Variants in HSD17B8 observed in about 807,000 individuals in gnomAD.
HSD17B8 encodes the protein hydroxysteroid 17-beta dehydrogenase 8.
In HSD17B8, 23 loss-of-function variants were observed where a neutral mutation model predicts 33.2. The ratio of observed to expected loss-of-function variants is 0.69; its 90% confidence interval spans 0.50 to 0.98. The LOEUF (loss-of-function observed/expected upper bound fraction) is 0.98. Ranked by LOEUF, HSD17B8 falls within the 50% of genes least tolerant of loss-of-function variation. HSD17B8 has a pLI of 0.00. For missense variants in HSD17B8, 345 were observed against 347.5 expected, an observed-to-expected ratio of 0.99 and a Z score of 0.06; for synonymous variants, 137 against 138.6, an observed-to-expected ratio of 0.99 and a Z score of 0.08.
At position 33,205,342 on chromosome 6, in the gene HSD17B8, C is replaced by A; in HGVS notation, c.387+5C>A. On this transcript the variant is annotated splice_donor_5th_base_variant and intron_variant, in intron 3 of 8. Transcript: ENST00000374662. This position sits in a 1 kb window ranked among gnomAD's most constrained non-coding sequence, Gnocchi z 5.0. Reference sequence around the variant, plus strand: ...GTCATAGCTGTCAACCTCAAGGTGGCGATCTCTGAACCTGCGACGTTTGGC... The same window carrying A: ...GTCATAGCTGTCAACCTCAAGGTGGAGATCTCTGAACCTGCGACGTTTGGC... 6.2e-7 allele frequency: 1 copy of A among 1,611,326 alleles called. No homozygotes were observed.
Position 33,205,718 on chromosome 6 carries a change from C to A in HSD17B8, c.559C>A (p.Leu187Ile). The A allele has an allele frequency of 6.2e-7, 1 of 1,613,026 alleles. No individual in the cohort carries two copies. Among genetic ancestry groups the A allele is most frequent in the Non-Finnish European group, 8.5e-7 (1 of 1,180,004 alleles). ...IGLTQTAARE[L>I]GRHGIRCNSV... ...GCTGACCCAGACCGCAGCCCGGGAG[C>A]TTGGACGGTTGGTCAGATGCTTGAG... The change falls in exon 5 of 9, where the codon CTT becomes ATT. Residue 187 changes from leucine (L) to isoleucine (I), a missense_variant. Transcript: ENST00000374662. The surrounding 1 kb of genome is among the most constrained non-coding windows in gnomAD (Gnocchi z 5.0).
In HSD17B8 at chr6:33,205,868, G is replaced by A; in HGVS notation, c.607G>A (p.Ala203Thr). ...TAACTCTGTCCTCCCAGGGTTCATT[G>A]CAACACCCATGACACAGAAAGTGCC... Reference protein sequence around the residue: ...RCNSVLPGFIATPMTQKVPQK... With the variant: ...RCNSVLPGFITTPMTQKVPQK... The change falls in exon 6 of 9, where the codon GCA becomes ACA. Residue 203 changes from alanine to threonine, a missense_variant. Transcript: ENST00000374662. The surrounding 1 kb of genome is among the most constrained non-coding windows in gnomAD (Gnocchi z 5.0). 4 of 1,612,944 alleles carry A rather than the reference G, an allele frequency of 2.5e-6. No individual in the cohort carries two copies. In the South Asian group the frequency reaches 4.4e-5, roughly 18 times the overall value.
rs1448657423 is a variant in HSD17B8, at chr6:33,205,363, T to G, written c.387+26T>G. ...GTGGCGATCTCTGAACCTGCGACGT[T>G]TGGCCCCCTTAGCCTGGGGAGGGAG... On this transcript the variant is annotated intron_variant, in intron 3 of 8. Coordinates refer to ENST00000374662, the MANE Select transcript of HSD17B8 (RefSeq NM_014234.5). The surrounding 1 kb of genome is among the most constrained non-coding windows in gnomAD (Gnocchi z 5.0). The G allele has an allele frequency of 1.9e-6, 3 of 1,607,692 alleles. No individual in the cohort carries two copies. Among genetic ancestry groups the G allele is most frequent in the Middle Eastern group, 3.3e-4 (2 of 6,040 alleles).
chr6:33,205,995 GAGA>G lies in HSD17B8; in HGVS notation c.651+85_651+87del. 7.4e-7 allele frequency: 1 copy of G among 1,346,570 alleles called. No homozygotes were observed. Among genetic ancestry groups the G allele is most frequent in the South Asian group, 1.2e-5 (1 of 82,290 alleles). The allele number at this position is 1,346,570 out of a possible 1,614,324, so 83.4% of individuals were successfully genotyped here. On this transcript the variant is annotated intron_variant, in intron 6 of 8. Coordinates refer to ENST00000374662, the MANE Select transcript of HSD17B8 (RefSeq NM_014234.5). The surrounding 1 kb of genome is among the most constrained non-coding windows in gnomAD (Gnocchi z 5.0). Reference sequence around the variant, plus strand: ...ACAGAGAGAGAGAGAGAGAGAGAGAGAGAATACTGGGCACAGTTCCTGGCAAAC... The same window carrying G: ...ACAGAGAGAGAGAGAGAGAGAGAGAGATACTGGGCACAGTTCCTGGCAAAC...
rs1271062613 is a variant in HSD17B8, at chr6:33,206,127, C to T, written c.652-7C>T. 2 of 1,612,550 alleles carry T rather than the reference C, an allele frequency of 1.2e-6. No homozygotes were observed. Among genetic ancestry groups the T allele is most frequent in the Admixed American group, 1.7e-5 (1 of 59,934 alleles). On this transcript the variant is annotated splice_polypyrimidine_tract_variant and splice_region_variant and intron_variant, in intron 6 of 8. Coordinates refer to ENST00000374662, the MANE Select transcript of HSD17B8 (RefSeq NM_014234.5). The surrounding 1 kb of genome is among the most constrained non-coding windows in gnomAD (Gnocchi z 6.2). The stretch of plus-strand genomic sequence containing the variant: ...AAGCTTTCACCCACATGAGTATTTC[C>T]TTACAGATTACTGAAATGATCCCGA...
chr6:33,205,251 G>GTGTC lies in HSD17B8; in HGVS notation c.302_305dup (p.Cys103ValfsTer9), dbSNP rs1409493166. On this transcript the variant is annotated frameshift_variant, in exon 3 of 9. Coordinates refer to ENST00000374662, the MANE Select transcript of HSD17B8 (RefSeq NM_014234.5). LOFTEE classifies it high-confidence loss of function. The surrounding 1 kb of genome is among the most constrained non-coding windows in gnomAD (Gnocchi z 5.0). ...CTTTTCTCGCCCACCATCTGTCGTT[G>GTGTC]TGTCCTGTGCGGGCATCACCCAGGA... 6.2e-7 allele frequency: 1 copy of GTGTC among 1,612,944 alleles called. No individual in the cohort carries two copies. Among genetic ancestry groups the GTGTC allele is most frequent in the Non-Finnish European group, 8.5e-7 (1 of 1,180,026 alleles).
chr6:33,205,997 G>A lies in HSD17B8; in HGVS notation c.651+85G>A. Reference sequence around the variant, plus strand: ...AGAGAGAGAGAGAGAGAGAGAGAGAGAATACTGGGCACAGTTCCTGGCAAA... The same window carrying A: ...AGAGAGAGAGAGAGAGAGAGAGAGAAAATACTGGGCACAGTTCCTGGCAAA... On this transcript the variant is annotated intron_variant, in intron 6 of 8. Transcript: ENST00000374662. The surrounding 1 kb of genome is among the most constrained non-coding windows in gnomAD (Gnocchi z 5.0). 7.5e-7 allele frequency: 1 copy of A among 1,328,560 alleles called. No individual in the cohort carries two copies. The highest frequency in any genetic ancestry group is 1.1e-6 in the Non-Finnish European group (1 of 934,466). The allele number at this position is 1,328,560 out of a possible 1,614,324, so 82.3% of individuals were successfully genotyped here.
Position 33,205,949 on chromosome 6 carries a change from GACTC to G in HSD17B8, c.651+39_651+42del. 1 of 1,525,174 alleles carries G rather than the reference GACTC, an allele frequency of 6.6e-7. No individual in the cohort carries two copies. The highest frequency in any genetic ancestry group is 1.1e-5 in the South Asian group (1 of 88,892). 94.5% of individuals were successfully genotyped at this position (1,525,174 alleles called of 1,614,324 possible). A position where few individuals can be genotyped will look rare whatever the true frequency, so the allele number is the denominator to read the frequency against. ...TGGGTGGAGGGCAGAATCATTCAGA[GACTC>G]AATCTCTCTGGGCTTCACAGAGAGA... On this transcript the variant is annotated intron_variant, in intron 6 of 8. Transcript: ENST00000374662. The surrounding 1 kb of genome is among the most constrained non-coding windows in gnomAD (Gnocchi z 5.0).
rs1775019651 is a variant in HSD17B8 at position 33,205,971 on chromosome 6, C to G, written c.651+59C>G. 2 of 1,101,796 alleles carry G rather than the reference C, an allele frequency of 1.8e-6. No homozygotes were observed. Among genetic ancestry groups the G allele is most frequent in the African/African-American group, 1.6e-5 (1 of 64,128 alleles). 68.3% of individuals were successfully genotyped at this position (1,101,796 alleles called of 1,614,324 possible). The stretch of plus-strand genomic sequence containing the variant: ...AGAGACTCAATCTCTCTGGGCTTCA[C>G]AGAGAGAGAGAGAGAGAGAGAGAGA... On this transcript the variant is annotated intron_variant, in intron 6 of 8. Coordinates refer to ENST00000374662, the MANE Select transcript of HSD17B8 (RefSeq NM_014234.5). The surrounding 1 kb of genome is among the most constrained non-coding windows in gnomAD (Gnocchi z 5.0).
Position 33,206,067 on chromosome 6 carries a change from G to T in HSD17B8, c.652-67G>T. 1 of 1,547,942 alleles carries T rather than the reference G, an allele frequency of 6.5e-7. No homozygotes were observed. Among genetic ancestry groups the T allele is most frequent in the East Asian group, 2.3e-5 (1 of 44,410 alleles). ...GTATGAGAAATGAAGACAAAAAAGG[G>T]TCACAGACTCAGTCTTCAAAAAAAT... On this transcript the variant is annotated intron_variant, in intron 6 of 8. Transcript: ENST00000374662. The surrounding 1 kb of genome is among the most constrained non-coding windows in gnomAD (Gnocchi z 6.2).
rs1384647663 is a variant in HSD17B8 at position 33,205,519 on chromosome 6, A to T, written c.460A>T (p.Ile154Phe). The T allele has an allele frequency of 6.2e-7, 1 of 1,613,042 alleles. No homozygotes were observed. The highest frequency in any genetic ancestry group is 8.5e-7 in the Non-Finnish European group (1 of 1,179,988). ...TGGTTGTCGTGGTTCCATCATCAAC[A>T]TCAGTAGCATCGTAGGAAAGGTCAG... The part of the protein sequence containing the change: ...SNGCRGSIIN[I>F]SSIVGKVGNV... The change falls in exon 4 of 9, where the codon ATC (isoleucine) becomes TTC (phenylalanine). Residue 154 changes from isoleucine to phenylalanine, a missense_variant. Transcript: ENST00000374662. The surrounding 1 kb of genome is among the most constrained non-coding windows in gnomAD (Gnocchi z 5.0).
In HSD17B8 at chr6:33,205,866, T is replaced by C. The variant is rs752310114; in HGVS notation, c.605T>C (p.Ile202Thr). The C allele has an allele frequency of 2.0e-5, 33 of 1,612,878 alleles. No homozygotes were observed. Among genetic ancestry groups the C allele is most frequent in the East Asian group, 8.9e-5 (4 of 44,874 alleles). The change falls in exon 6 of 9, where the codon ATT (isoleucine) becomes ACT (threonine). Residue 202 changes from isoleucine (I) to threonine (T), a missense_variant. Coordinates refer to ENST00000374662, the MANE Select transcript of HSD17B8 (RefSeq NM_014234.5). This position sits in a 1 kb window ranked among gnomAD's most constrained non-coding sequence, Gnocchi z 5.0. ...IRCNSVLPGFIATPMTQKVPQ... is the reference protein window; with the variant it reads ...IRCNSVLPGFTATPMTQKVPQ... Reference sequence around the variant, plus strand: ...TGTAACTCTGTCCTCCCAGGGTTCATTGCAACACCCATGACACAGAAAGTG... The same window carrying C: ...TGTAACTCTGTCCTCCCAGGGTTCACTGCAACACCCATGACACAGAAAGTG...
Position 33,206,582 on chromosome 6 carries a change from CT to C in HSD17B8, c.770-55del. On this transcript the variant is annotated intron_variant, in intron 8 of 8. Transcript: ENST00000374662. The surrounding 1 kb of genome is among the most constrained non-coding windows in gnomAD (Gnocchi z 6.2). Reference sequence around the variant, plus strand: ...GGCCAGGGACAGAAGTGGGTACCCCCTAGCCCATTTGTGTCTCCACCCATGC... The same window carrying C: ...GGCCAGGGACAGAAGTGGGTACCCCCAGCCCATTTGTGTCTCCACCCATGC... The C allele has an allele frequency of 1.2e-6, 2 of 1,604,048 alleles. No individual in the cohort carries two copies. Among genetic ancestry groups the C allele is most frequent in the African/African-American group, 1.3e-5 (1 of 74,762 alleles).
chr6:33,206,358 C>T lies in HSD17B8; in HGVS notation c.695-17C>T. ...GGGAGTGAGCAGAATTCTGCCCTCTCCCCACCATTCTCATAGATGTGGCAG... is the reference window on the plus strand; with the variant it reads ...GGGAGTGAGCAGAATTCTGCCCTCTTCCCACCATTCTCATAGATGTGGCAG... On this transcript the variant is annotated splice_polypyrimidine_tract_variant and intron_variant, in intron 7 of 8. Coordinates refer to ENST00000374662, the MANE Select transcript of HSD17B8 (RefSeq NM_014234.5). This position sits in a 1 kb window ranked among gnomAD's most constrained non-coding sequence, Gnocchi z 6.2. The T allele has an allele frequency of 6.2e-7, 1 of 1,612,166 alleles. No homozygotes were observed.
rs138620921 is a variant in HSD17B8 at position 33,204,702 on chromosome 6, G to T, written c.34G>T (p.Ala12Ser). 2.0e-3 allele frequency: 3,251 copies of T among 1,600,982 alleles called. 225 individuals carry two copies. In the East Asian group the frequency reaches 0.03, roughly 15 times the overall value. ...ASQLQNRLRS[A>S]LALVTGAGSG... ...TCAGCTCCAGAACCGACTCCGCTCC[G>T]CACTGGCCTTGGTCACAGGTTGAGG... Residue 12 changes from alanine (A) to serine (S), a missense_variant, in exon 1 of 9, where the codon GCA becomes TCA. Transcript: ENST00000374662.
chr6:33,206,580 C>T lies in HSD17B8; in HGVS notation c.770-58C>T, dbSNP rs901852530. On this transcript the variant is annotated intron_variant, in intron 8 of 8. Transcript: ENST00000374662. This position sits in a 1 kb window ranked among gnomAD's most constrained non-coding sequence, Gnocchi z 6.2. Reference sequence around the variant, plus strand: ...AAGGCCAGGGACAGAAGTGGGTACCCCCTAGCCCATTTGTGTCTCCACCCA... The same window carrying T: ...AAGGCCAGGGACAGAAGTGGGTACCTCCTAGCCCATTTGTGTCTCCACCCA... The T allele has an allele frequency of 6.2e-7, 1 of 1,601,464 alleles. No homozygotes were observed. Among genetic ancestry groups the T allele is most frequent in the African/African-American group, 1.3e-5 (1 of 74,540 alleles).
chr6:33,206,165 G>A lies in HSD17B8; in HGVS notation c.683G>A (p.Gly228Glu). The A allele has an allele frequency of 6.2e-7, 1 of 1,612,948 alleles. No individual in the cohort carries two copies. The highest frequency in any genetic ancestry group is 8.5e-7 in the Non-Finnish European group (1 of 1,179,922). The change falls in exon 7 of 9, where the codon GGG becomes GAG. Residue 228 changes from glycine to glutamate, a missense_variant. Gly to Glu is a moderately conservative substitution (Grantham distance 98, BLOSUM62 -2). Coordinates refer to ENST00000374662, the MANE Select transcript of HSD17B8 (RefSeq NM_014234.5). The surrounding 1 kb of genome is among the most constrained non-coding windows in gnomAD (Gnocchi z 6.2). ...ITEMIPMGHLGDPEDVADVVA... is the reference protein window; with the variant it reads ...ITEMIPMGHLEDPEDVADVVA... ...GAAATGATCCCGATGGGACACTTGG[G>A]GGACCCTGAGGGTGAGCACTGAATG... is the stretch of plus-strand genomic sequence containing the variant.
rs1775071547 is a variant in HSD17B8 at position 33,206,465 on chromosome 6, G to A, written c.769+16G>A. The A allele has an allele frequency of 6.2e-7, 1 of 1,609,310 alleles. No individual in the cohort carries two copies. The highest frequency in any genetic ancestry group is 8.5e-7 in the Non-Finnish European group (1 of 1,175,644). On this transcript the variant is annotated intron_variant, in intron 8 of 8. Coordinates refer to ENST00000374662, the MANE Select transcript of HSD17B8 (RefSeq NM_014234.5). This position sits in a 1 kb window ranked among gnomAD's most constrained non-coding sequence, Gnocchi z 6.2. ...GAAGTCACTGGTATGAGGCCAGCAT[G>A]GGGAGGGAGAGGGCAGAGAAGTAGA...
chr6:33,205,386 G>C lies in HSD17B8; in HGVS notation c.387+49G>C. 1.2e-6 allele frequency: 2 copies of C among 1,605,140 alleles called. No homozygotes were observed. The highest frequency in any genetic ancestry group is 1.7e-6 in the Non-Finnish European group (2 of 1,172,622). Reference sequence around the variant, plus strand: ...GTTTGGCCCCCTTAGCCTGGGGAGGGAGTTGGAGGAGGGCTGTCACCCCAG... The same window carrying C: ...GTTTGGCCCCCTTAGCCTGGGGAGGCAGTTGGAGGAGGGCTGTCACCCCAG... On this transcript the variant is annotated intron_variant, in intron 3 of 8. Transcript: ENST00000374662. The surrounding 1 kb of genome is among the most constrained non-coding windows in gnomAD (Gnocchi z 5.0).
Sources: allele counts gnomAD v4.1 joint callset, GRCh38; gene constraint gnomAD v4.1.1; non-coding constraint Gnocchi (gnomAD v3.1); transcripts MANE v1.5; gene names NCBI Gene and HGNC (gene_info 2026-07-23, HGNC 2026-07-21).